The following TRNT1 variants were observed in gnomAD, a reference collection of about 807,000 sequenced individuals.
TRNT1 encodes the protein tRNA nucleotidyl transferase 1.
TRNT1 carries 44 observed loss-of-function variants against 45.6 expected under a neutral mutation model. The ratio of observed to expected loss-of-function variants is 0.97; its 90% CI spans 0.76 to 1.24. TRNT1 has a LOEUF of 1.24. Among genes scored for constraint, TRNT1 ranks in the 50% most tolerant of loss-of-function variants. TRNT1 has a pLI of 0.00. For missense variants in TRNT1, 633 were observed against 504.4 expected (o/e 1.25, Z -2.44); for synonymous variants, 201 against 171.4 (o/e 1.17, Z -1.35).
Position 3,147,482 on chromosome 3 carries a change from G to T in TRNT1, c.835G>T (p.Asp279Tyr). The change falls in exon 7 of 8, where the codon GAC (aspartate) becomes TAC (tyrosine). Residue 279 changes from aspartate (D) to tyrosine (Y), a missense_variant. Physicochemically the swap from Asp to Tyr is radical, Grantham distance 160. Coordinates refer to ENST00000251607, the MANE Select transcript of TRNT1 (RefSeq NM_182916.3). ...TGCTAATGCAAGTTTAGAAGAATTT[G>T]ACAAAGTCAGTAAAAATGTTGATGG... ...LPANASLEEF[D>Y]KVSKNVDGFS... 1 of 1,613,236 alleles carries T rather than the reference G, an allele frequency of 6.2e-7. No individual in the cohort carries two copies. Among genetic ancestry groups the T allele is most frequent in the South Asian group, 1.1e-5 (1 of 91,010 alleles).
chr3:3,131,769 C>T (rs1289947645), intron 2 of TRNT1: 16 of 76,124 alleles, frequency 2.1e-4, no homozygotes, highest in African/African-American at 4.3e-4. Flanking sequence ...AGAAAATTTT[C>T]GCAACCTACT....
intron 1 of TRNT1, 73 bp from the exon 2 acceptor site, chr3:3,128,941 G>A (rs1704800478): frequency 9.8e-6 from 11 of 1,126,330 alleles, no homozygotes; most frequent in African/African-American, 1.5e-5. Flanking sequence ...AACTTGAAAT[G>A]TGTCCCCCTT....
Position 3,147,671 on chromosome 3 carries a change from C to A in TRNT1, c.1024C>A (p.Pro342Thr), listed in dbSNP as rs1293938076. The change falls in exon 7 of 8, where the codon CCA becomes ACA. Residue 342 changes from proline to threonine, a missense_variant. By Grantham distance (38) the Pro-to-Thr change is conservative. Coordinates refer to ENST00000251607, the MANE Select transcript of TRNT1 (RefSeq NM_182916.3). ...DLIKATDSSD[P>T]LKPYQDFIID... ...AATTAAAGCAACAGATAGTTCAGAC[C>A]CATTGAAACCCTATCAAGACTTCAT... The A allele has an allele frequency of 1.9e-6, 3 of 1,612,956 alleles. No individual in the cohort carries two copies. Among genetic ancestry groups the A allele is most frequent in the African/African-American group, 1.3e-5 (1 of 74,870 alleles).
chr3:3,135,262 G>C (rs1705254739), intron 2 of TRNT1, among the ~76,000 whole-genome samples: 3 of 152,128 alleles, frequency 2.0e-5, no homozygotes, highest in Non-Finnish European at 4.4e-5. Flanking sequence ...TGTGGGGAGA[G>C]TTTTGTGCAG....
At chr3:3,132,990 G>A (rs557825375) in intron 2 of TRNT1, among the ~76,000 whole-genome samples, 36 of 152,108 alleles carry the variant, frequency 2.4e-4, no homozygotes, top group Middle Eastern at 3.2e-3. Flanking sequence ...GGGTGCCCTG[G>A]TAAAATGTAA....
chr3:3,129,851 G>T, intron 2 of TRNT1: 6 of 1,549,930 alleles, frequency 3.9e-6, no homozygotes, highest in Non-Finnish European at 4.4e-6. Flanking sequence ...TAGAGAGCTA[G>T]GTTTCGAACT....
rs1160875183 is a variant in TRNT1, at chr3:3,128,999, G to C, written c.-27-15G>C. Reference sequence around the variant, plus strand: ...CTTTTAATTTCATTGGTATGCCTGTGTATTTGCCTTGTAGATGTGTAGTTG... The same window carrying C: ...CTTTTAATTTCATTGGTATGCCTGTCTATTTGCCTTGTAGATGTGTAGTTG... On this transcript the variant is annotated splice_polypyrimidine_tract_variant and intron_variant, in intron 1 of 7. Transcript: ENST00000251607. The C allele has an allele frequency of 1.3e-6, 2 of 1,548,586 alleles. No individual in the cohort carries two copies. The highest frequency in any genetic ancestry group is 3.7e-5 in the Admixed American group (2 of 53,346).
intron 4 of TRNT1, among the ~76,000 whole-genome samples, chr3:3,142,571 G>C (rs1337547763): frequency 6.6e-6 from 1 of 152,186 alleles, no homozygotes; most frequent in Non-Finnish European, 1.5e-5. Flanking sequence ...ATACACACCA[G>C]TATGATGCTT....
chr3:3,137,335 C>T lies in TRNT1; in HGVS notation c.224C>T (p.Pro75Leu). ...AGGGATTTATTAAATGGAGTAAAGCCTCAGGATATAGATTTTGCCACCACT... is the reference window on the plus strand; with the variant it reads ...AGGGATTTATTAAATGGAGTAAAGCTTCAGGATATAGATTTTGCCACCACT... ...AVRDLLNGVK[P>L]QDIDFATTAT... Residue 75 changes from proline (P) to leucine (L), a missense_variant, in exon 3 of 8, where the codon CCT (proline) becomes CTT (leucine). By Grantham distance (98) the Pro-to-Leu change is moderately conservative. Transcript: ENST00000251607. 1 of 1,613,620 alleles carries T rather than the reference C, an allele frequency of 6.2e-7. No individual in the cohort carries two copies. Among genetic ancestry groups the T allele is most frequent in the Non-Finnish European group, 8.5e-7 (1 of 1,179,744 alleles).
chr3:3,149,617 AACCAG>A (rs2126042940), downstream of TRNT1: 1 of 152,266 alleles, frequency 6.6e-6, no homozygotes, highest in African/African-American at 2.4e-5. Flanking sequence ...TATAGGAACA[AACCAG>A]ACCAGTGAAG....
downstream of TRNT1, chr3:3,149,653 T>TAA (rs1217033250): frequency 6.7e-6 from 1 of 148,772 alleles, no homozygotes; most frequent in African/African-American, 2.4e-5. Flanking sequence ...CCAAAATTAT[T>TAA]AAAGTAGTAA....
Position 3,148,071 on chromosome 3 carries a change from T to C in TRNT1, c.1222T>C (p.Leu408=). The C allele has an allele frequency of 6.2e-7, 1 of 1,613,912 alleles. No homozygotes were observed. Among genetic ancestry groups the C allele is most frequent in the Non-Finnish European group, 8.5e-7 (1 of 1,179,848 alleles). ...TTCAGGAAAAGAAATTGGGGCTCTA[T>C]TACAACAGTTGCGAGAACAGTGGAA... ...ISSGKEIGAL[L]QQLREQWKKS... The change falls in exon 8 of 8, where the codon TTA becomes CTA. Residue 408 remains leucine (L), a synonymous_variant. Transcript: ENST00000251607.
intron 4 of TRNT1, among the ~76,000 whole-genome samples, chr3:3,142,323 C>G (rs1359570291): frequency 6.6e-6 from 1 of 152,168 alleles, no homozygotes; most frequent in South Asian, 2.1e-4. Context: ...AGGCACTGTT[C>G]TGAGCACATT....
Position 3,144,473 on chromosome 3 carries a change from G to A in TRNT1, c.482-111G>A. The A allele has an allele frequency of 5.7e-6, 6 of 1,053,466 alleles. No homozygotes were observed. The South Asian group carries it at 8.4e-5, about 15-fold the overall frequency. The allele number at this position is 1,053,466 out of a possible 1,614,324, so 65.3% of individuals were successfully genotyped here. Reference sequence around the variant, plus strand: ...TGAATACGTATGTGTTTTAATAACTGTTCACTCTGCTGAATTTTTACTGTT... The same window carrying A: ...TGAATACGTATGTGTTTTAATAACTATTCACTCTGCTGAATTTTTACTGTT... On this transcript the variant is annotated intron_variant, in intron 4 of 7. Transcript: ENST00000251607.
chr3:3,129,084 G>A lies in TRNT1; in HGVS notation c.44G>A (p.Arg15His). 1 of 1,613,774 alleles carries A rather than the reference G, an allele frequency of 6.2e-7. No homozygotes were observed. Among genetic ancestry groups the A allele is most frequent in the Non-Finnish European group, 8.5e-7 (1 of 1,179,656 alleles). ...LYHWHRPVLN[R>H]RWSRLCLPKQ... is the part of the protein sequence containing the mutation. ...CATTGGCACAGGCCAGTGCTGAACC[G>A]TAGGTGGAGTAGGCTGTGCCTTCCG... Residue 15 changes from arginine (R) to histidine (H), a missense_variant, in exon 2 of 8, where the codon CGT (arginine) becomes CAT (histidine). Physicochemically the swap from Arg to His is conservative, Grantham distance 29 (BLOSUM62 0). Transcript: ENST00000251607.
At chr3:3,133,744 A>G (rs1311881193) in intron 2 of TRNT1, among the ~76,000 whole-genome samples, 2 of 152,074 alleles carry the variant, frequency 1.3e-5, no homozygotes, top group East Asian at 2.0e-4. Context: ...ATGTTAAAAT[A>G]TAGCACGATA....
downstream of TRNT1, chr3:3,152,473 T>C (rs1357698980): frequency 1.9e-6 from 3 of 1,613,592 alleles, no homozygotes; most frequent in East Asian, 6.7e-5. Flanking sequence ...ACCAGCTGTG[T>C]TCTGTAGAAG....
chr3:3,140,563 T>C lies in TRNT1; in HGVS notation c.396T>C (p.Asp132=), dbSNP rs1213971364. The stretch of plus-strand genomic sequence containing the variant: ...CACTACGGATTGATGTCACCACTGA[T>C]GGAAGACATGCTGAGGTAGAATTTA... ...ITTLRIDVTT[D]GRHAEVEFTT... Residue 132 remains aspartate, a synonymous_variant, in exon 4 of 8, where the codon GAT becomes GAC. Coordinates refer to ENST00000251607, the MANE Select transcript of TRNT1 (RefSeq NM_182916.3). 22 of 1,614,186 alleles carry C rather than the reference T, an allele frequency of 1.4e-5. No individual in the cohort carries two copies. Among genetic ancestry groups the C allele is most frequent in the Non-Finnish European group, 1.7e-5 (20 of 1,179,996 alleles).
At chr3:3,146,342 T>C (rs1475226555) in intron 5 of TRNT1, 88 bp from the exon 6 acceptor site, 4 of 989,078 alleles carry the variant, frequency 4.0e-6, no homozygotes, top group South Asian at 3.5e-5. Flanking sequence ...AGCAGATGTA[T>C]GGGATAGTAC....
Sources: allele counts gnomAD v4.1 joint callset (sites outside exome capture counted in the v4.1 genomes callset), GRCh38; gene constraint gnomAD v4.1.1; transcripts MANE v1.5; gene names NCBI Gene and HGNC (gene_info 2026-07-23, HGNC 2026-07-21).